GPM6A: variants seen among roughly 807,000 people sequenced by gnomAD.
GPM6A encodes the protein neuronal membrane glycoprotein M6-a.
In GPM6A, 7 loss-of-function variants were observed where a neutral mutation model predicts 32.1. The ratio of observed to expected loss-of-function variants is 0.22; its 90% CI spans 0.12 to 0.41. The LOEUF (loss-of-function observed/expected upper bound fraction) is 0.41. GPM6A is among the 10% of genes least tolerant of loss of function. GPM6A has a pLI of 1.00. For missense variants in GPM6A, 235 were observed against 347.2 expected (o/e 0.68, Z 2.57); for synonymous variants, 130 against 123.4 (o/e 1.05, Z -0.35).
intron 1 of GPM6A, among the ~76,000 whole-genome samples, chr4:175,840,630 T>C (rs1298842380): frequency 6.6e-6 from 1 of 152,126 alleles, no homozygotes; most frequent in African/African-American, 2.4e-5. Flanking sequence ...GCCAAGATCG[T>C]GCCATTGCAC....
intron 1 of GPM6A, among the ~76,000 whole-genome samples, chr4:175,968,637 C>T (rs899490594): frequency 2.6e-5 from 4 of 152,100 alleles, no homozygotes; most frequent in African/African-American, 9.7e-5. Context: ...TAACATCTCA[C>T]CAAAGATGAC....
chr4:175,713,364 G>A (rs1745658905), intron 1 of GPM6A, among the ~76,000 whole-genome samples: 1 of 151,970 alleles, frequency 6.6e-6, no homozygotes, highest in African/African-American at 2.4e-5. Flanking sequence ...CACAACACCT[G>A]GCTAATTTAG....
At position 175,976,955 on chromosome 4, in the gene GPM6A, G is replaced by A. The variant is rs1740682439; in HGVS notation, c.-23+25354C>T. ...CATTCCATAATGGTGTTGGATATAA[G>A]AAGTATAGGTGAATTTGCATAATTA... On this transcript the variant is annotated intron_variant, in intron 1 of 7. Transcript: ENST00000280187. Among the ~76,000 whole-genome samples the A allele has an allele frequency of 2.6e-5, 4 of 152,344 alleles. 1 individual carries two copies. In the South Asian group the frequency reaches 8.3e-4, roughly 32 times the overall value.
At chr4:175,897,508 G>A (rs939248157) in intron 1 of GPM6A, among the ~76,000 whole-genome samples, 6 of 152,230 alleles carry the variant, frequency 3.9e-5, no homozygotes, top group African/African-American at 1.4e-4. Flanking sequence ...CCAGAGACCA[G>A]CATATTTAAG....
intron 1 of GPM6A, among the ~76,000 whole-genome samples, chr4:175,938,056 C>T (rs541802535): frequency 1.3e-5 from 2 of 152,176 alleles, no homozygotes; most frequent in Admixed American, 6.5e-5. Context: ...ATATCTTAGG[C>T]TCACTCTCAA....
At chr4:175,886,885 T>G (rs750605994) in intron 1 of GPM6A, among the ~76,000 whole-genome samples, 1 of 151,580 alleles carries the variant, frequency 6.6e-6, no homozygotes, top group Non-Finnish European at 1.5e-5. Flanking sequence ...GATACAAGTG[T>G]GGAAACCAAA....
intron 1 of GPM6A, among the ~76,000 whole-genome samples, chr4:175,706,612 A>G (rs1208963436): frequency 4.6e-5 from 7 of 152,126 alleles, no homozygotes; most frequent in Non-Finnish European, 1.0e-4. Flanking sequence ...AAGTGTCCAG[A>G]GAGGTATAGG....
chr4:175,881,815 G>A (rs548169405), intron 1 of GPM6A, among the ~76,000 whole-genome samples: 12 of 151,978 alleles, frequency 7.9e-5, no homozygotes, highest in Non-Finnish European at 1.6e-4. Flanking sequence ...CACAGGAAGG[G>A]GAACATCACA....
At chr4:175,861,034 G>GT (rs1372139307) in intron 1 of GPM6A, among the ~76,000 whole-genome samples, 4 of 151,838 alleles carry the variant, frequency 2.6e-5, no homozygotes, top group Non-Finnish European at 5.9e-5. Context: ...TCATTAATCT[G>GT]TATCATCCTA....
intron 1 of GPM6A, among the ~76,000 whole-genome samples, chr4:175,955,987 A>G (rs1739973980): frequency 6.6e-6 from 1 of 152,190 alleles, no homozygotes; most frequent in Non-Finnish European, 1.5e-5. Context: ...ATACTCGGGT[A>G]AGGGCTGAAC....
chr4:175,843,409 G>A (rs1434598047), intron 1 of GPM6A, among the ~76,000 whole-genome samples: 3 of 152,104 alleles, frequency 2.0e-5, no homozygotes, highest in Non-Finnish European at 4.4e-5. Context: ...AAACAATGAG[G>A]AGGCAAGTTC....
intron 6 of GPM6A, among the ~76,000 whole-genome samples, chr4:175,635,483 A>G (rs1282958778): frequency 2.6e-5 from 4 of 152,148 alleles, no homozygotes; most frequent in Non-Finnish European, 5.9e-5. Flanking sequence ...TATTACCCCA[A>G]TTAAAGAGAG....
intron 3 of GPM6A, among the ~76,000 whole-genome samples, chr4:175,669,664 T>C (rs1371596809): frequency 6.6e-6 from 1 of 152,162 alleles, no homozygotes; most frequent in Non-Finnish European, 1.5e-5. Context: ...TGGAAGAACA[T>C]TACTGTTATC....
At chr4:175,712,910 A>G (rs1364324866) in intron 1 of GPM6A, among the ~76,000 whole-genome samples, 1 of 152,188 alleles carries the variant, frequency 6.6e-6, no homozygotes, top group Non-Finnish European at 1.5e-5. Context: ...TCCCAAAAAC[A>G]TCGTAAGAAA....
At chr4:175,847,488 G>A (rs1003545241) in intron 1 of GPM6A, among the ~76,000 whole-genome samples, 1 of 152,054 alleles carries the variant, frequency 6.6e-6, no homozygotes, top group African/African-American at 2.4e-5. Flanking sequence ...CCATGCTGTG[G>A]ATGCTGCCCA....
chr4:175,643,627 A>AC (rs1203030043), intron 4 of GPM6A, among the ~76,000 whole-genome samples: 13 of 152,048 alleles, frequency 8.5e-5, no homozygotes, highest in African/African-American at 2.9e-4. Context: ...AGCAAGAGAG[A>AC]CCCCAACTCA....
At chr4:175,766,917 A>T (rs1732994222) in intron 1 of GPM6A, among the ~76,000 whole-genome samples, 1 of 152,022 alleles carries the variant, frequency 6.6e-6, no homozygotes, top group African/African-American at 2.4e-5. Context: ...GGCCTCCTAA[A>T]GTGCTGGGTT....
intron 1 of GPM6A, among the ~76,000 whole-genome samples, chr4:175,885,362 G>A (rs1169822449): frequency 6.6e-6 from 1 of 152,212 alleles, no homozygotes. Context: ...TTTAAATTAA[G>A]GAGGATGGGC....
At chr4:176,002,009 C>T (rs1466453465) in intron 1 of GPM6A, among the ~76,000 whole-genome samples, 1 of 152,166 alleles carries the variant, frequency 6.6e-6, no homozygotes, top group Non-Finnish European at 1.5e-5. Context: ...GACCCCCAGG[C>T]TTGGGTCCTG....
Sources: allele counts gnomAD v4.1 joint callset (sites outside exome capture counted in the v4.1 genomes callset), GRCh38; gene constraint gnomAD v4.1.1; transcripts MANE v1.5; gene names NCBI Gene and HGNC (gene_info 2026-07-23, HGNC 2026-07-21).